HEMK2: variants seen among roughly 807,000 people sequenced by gnomAD.
HEMK2 encodes the protein HemK methyltransferase 2, ETF1 glutamine and histone H4 lysine.
the HEMK2 span, among the ~76,000 whole-genome samples, chr21:28,746,330 T>C: frequency 6.6e-6 from 1 of 152,104 alleles, no homozygotes; most frequent in African/African-American, 2.4e-5. Flanking sequence ...TCTTAGTATG[T>C]TCCTTGCCCG....
the HEMK2 span, among the ~76,000 whole-genome samples, chr21:28,623,871 A>C: frequency 3.3e-5 from 5 of 152,238 alleles, no homozygotes; most frequent in South Asian, 1.0e-3. Context: ...CATTATGAGA[A>C]ATACCTAATG....
the HEMK2 span, among the ~76,000 whole-genome samples, chr21:28,777,504 G>T: frequency 6.6e-6 from 1 of 152,096 alleles, no homozygotes; most frequent in Non-Finnish European, 1.5e-5. Context: ...GATTGCCTTA[G>T]CCCAAACATA....
the HEMK2 span, among the ~76,000 whole-genome samples, chr21:28,624,071 T>G: frequency 1.3e-5 from 2 of 152,192 alleles, no homozygotes; most frequent in Non-Finnish European, 2.9e-5. Flanking sequence ...GCTGTAAAAC[T>G]GAGAAAGAAG....
At chr21:28,610,647 A>G in the HEMK2 span, among the ~76,000 whole-genome samples, 3 of 152,296 alleles carry the variant, frequency 2.0e-5, no homozygotes, top group Admixed American at 2.0e-4. Context: ...AGTGTCATCA[A>G]GAGACTCACC....
At chr21:28,853,007 C>A in the HEMK2 span, among the ~76,000 whole-genome samples, 1 of 152,176 alleles carries the variant, frequency 6.6e-6, no homozygotes, top group African/African-American at 2.4e-5. Context: ...TTAAATTTTG[C>A]AGTTGAATGG....
the HEMK2 span, among the ~76,000 whole-genome samples, chr21:28,853,240 G>A: frequency 3.9e-5 from 6 of 152,176 alleles, no homozygotes; most frequent in Non-Finnish European, 8.8e-5. Context: ...AACCAAGGAA[G>A]ATCAGGCATT....
At chr21:28,731,009 T>G in the HEMK2 span, among the ~76,000 whole-genome samples, 1 of 151,802 alleles carries the variant, frequency 6.6e-6, no homozygotes, top group Admixed American at 6.6e-5. Flanking sequence ...AAGAAGCCTG[T>G]CCATGGGTGA....
At chr21:28,584,009 T>G in the HEMK2 span, among the ~76,000 whole-genome samples, 1 of 152,186 alleles carries the variant, frequency 6.6e-6, no homozygotes, top group Non-Finnish European at 1.5e-5. Context: ...GAAAGCTACA[T>G]GCCAAAATCC....
chr21:28,866,840 C>T, the HEMK2 span, among the ~76,000 whole-genome samples: 1 of 152,074 alleles, frequency 6.6e-6, no homozygotes, highest in East Asian at 1.9e-4. Context: ...TCTTACAGAT[C>T]AACAAGTAAA....
the HEMK2 span, among the ~76,000 whole-genome samples, chr21:28,744,690 ATTATT>A: frequency 6.6e-6 from 1 of 152,200 alleles, no homozygotes; most frequent in South Asian, 2.1e-4. Context: ...TTTTACATAC[ATTATT>A]TCATTTGATA....
chr21:28,684,540 A>G, the HEMK2 span, among the ~76,000 whole-genome samples: 1 of 152,262 alleles, frequency 6.6e-6, no homozygotes, highest in Non-Finnish European at 1.5e-5. Flanking sequence ...TCAACCTGAC[A>G]TGATGCAACC....
the HEMK2 span, among the ~76,000 whole-genome samples, chr21:28,628,487 T>C: frequency 2.0e-5 from 3 of 152,198 alleles, no homozygotes; most frequent in Middle Eastern, 6.3e-3. Context: ...GTTTCACTCT[T>C]GTTGCCCAGG....
At chr21:28,708,393 G>A in the HEMK2 span, among the ~76,000 whole-genome samples, 2 of 152,174 alleles carry the variant, frequency 1.3e-5, no homozygotes, top group East Asian at 3.9e-4. Flanking sequence ...TGCTTATGTA[G>A]TAAATGATTA....
At chr21:28,638,796 A>G in the HEMK2 span, among the ~76,000 whole-genome samples, 10 of 152,256 alleles carry the variant, frequency 6.6e-5, no homozygotes, top group Middle Eastern at 3.4e-3. Context: ...TTTCCACCAC[A>G]TGGCCTCATA....
the HEMK2 span, among the ~76,000 whole-genome samples, chr21:28,754,042 T>G: frequency 6.6e-6 from 1 of 152,194 alleles, no homozygotes; most frequent in Non-Finnish European, 1.5e-5. Context: ...GTGTTTGGAG[T>G]GAAGCCCTGT....
At chr21:28,634,996 G>GA in the HEMK2 span, among the ~76,000 whole-genome samples, 1 of 152,120 alleles carries the variant, frequency 6.6e-6, no homozygotes, top group East Asian at 1.9e-4. Flanking sequence ...ATAGACTTGG[G>GA]AGTCTGGTAG....
chr21:28,852,015 A>G, the HEMK2 span, among the ~76,000 whole-genome samples: 4 of 152,312 alleles, frequency 2.6e-5, no homozygotes, highest in South Asian at 8.3e-4. Context: ...CTCTTAGTTA[A>G]GCTTACGATA....
At chr21:28,658,301 C>T in the HEMK2 span, among the ~76,000 whole-genome samples, 1 of 152,020 alleles carries the variant, frequency 6.6e-6, no homozygotes. Flanking sequence ...TGGTTAGAGG[C>T]TACTTCAAAG....
At chr21:28,856,083 ATTATT>A in the HEMK2 span, among the ~76,000 whole-genome samples, 16,772 of 112,902 alleles carry the variant, frequency 0.15, 1,128 homozygotes, top group East Asian at 0.28. Flanking sequence ...AGAGTGATAT[ATTATT>A]TTATTTGTTG....
Sources: allele counts gnomAD v4.1 joint callset (sites outside exome capture counted in the v4.1 genomes callset), GRCh38; gene constraint gnomAD v4.1.1; transcripts MANE v1.5; gene names NCBI Gene and HGNC (gene_info 2026-07-23, HGNC 2026-07-21).